The following PPP2R1B variants were observed in gnomAD, a reference collection of about 807,000 sequenced individuals.
PPP2R1B encodes serine/threonine-protein phosphatase 2A 65 kDa regulatory subunit A beta isoform.
A neutral mutation model predicts 72.7 loss-of-function variants in PPP2R1B; 58 were observed. The ratio of observed to expected loss-of-function variants is 0.80; its 90% CI spans 0.65 to 0.99. The LOEUF is 0.99. PPP2R1B is among the 50% of genes least tolerant of loss of function. PPP2R1B has a pLI of 0.00. For synonymous variants in PPP2R1B, 256 were observed against 264.6 expected (o/e 0.97, Z 0.32); for missense variants, 695 against 733.6 (o/e 0.95, Z 0.61).
At chr11:111,760,632 G>C (rs917869260) in intron 4 of PPP2R1B, among the ~76,000 whole-genome samples, 187 bp downstream of exon 4, 1 of 151,572 alleles carries the variant, frequency 6.6e-6, no homozygotes, top group Non-Finnish European at 1.5e-5. Context: ...CTAGACAACA[G>C]AGCAAGACCT....
chr11:111,724,425 G>T, downstream of PPP2R1B: 1 of 415,294 alleles, frequency 2.4e-6, no homozygotes, highest in South Asian at 3.2e-5. Context: ...TTCCTAAGAA[G>T]ACATTCAGAC....
chr11:111,742,658 G>C lies in PPP2R1B; in HGVS notation c.1562C>G (p.Ser521Cys), dbSNP rs1457383830. 3.1e-6 allele frequency: 5 copies of C among 1,604,650 alleles called. No homozygotes were observed. Among genetic ancestry groups the C allele is most frequent in the Non-Finnish European group, 4.3e-6 (5 of 1,175,812 alleles). The change falls in exon 13 of 15, where the codon TCT becomes TGT. Residue 521 changes from serine (S) to cysteine (C), a missense_variant. Transcript: ENST00000527614. ...AGTTATTTCCTGACCACAGGCCTCA[G>C]ACAGTGCCTAGAAAAATAAGTAAGA... The part of the protein sequence containing the change: ...MTTLFCINAL[S>C]EACGQEITTK...
downstream of PPP2R1B, among the ~76,000 whole-genome samples, chr11:111,734,618 T>C (rs1944287922): frequency 6.6e-6 from 1 of 152,238 alleles, no homozygotes; most frequent in African/African-American, 2.4e-5. Flanking sequence ...AAGGTCCAAT[T>C]GCCTTAGCTG....
chr11:111,708,252 C>A, the PPP2R1B span, among the ~76,000 whole-genome samples: 1 of 152,130 alleles, frequency 6.6e-6, no homozygotes, highest in South Asian at 2.1e-4. Context: ...TATGGTAGTG[C>A]GTGCTTATAA....
intron 4 of PPP2R1B, 26 bp from the exon 5 acceptor site, chr11:111,759,977 T>A: frequency 6.2e-7 from 1 of 1,608,234 alleles, no homozygotes; most frequent in African/African-American, 1.3e-5. Flanking sequence ...ATGAAGGTAT[T>A]TCCCATCAAA....
the PPP2R1B span, among the ~76,000 whole-genome samples, chr11:111,695,021 G>A: frequency 6.6e-6 from 1 of 152,276 alleles, no homozygotes; most frequent in African/African-American, 2.4e-5. Flanking sequence ...ACCTTTTCGT[G>A]CTGGTGGGCA....
chr11:111,719,737 G>A, the PPP2R1B span: 2 of 1,583,288 alleles, frequency 1.3e-6, no homozygotes, highest in South Asian at 2.3e-5. Flanking sequence ...TGTCTCAGCA[G>A]TGCAGAAACT....
chr11:111,718,317 A>G, the PPP2R1B span, among the ~76,000 whole-genome samples: 1 of 152,202 alleles, frequency 6.6e-6, no homozygotes, highest in Non-Finnish European at 1.5e-5. Flanking sequence ...TCTTGCAAGG[A>G]AACTATTAAG....
At chr11:111,737,674 G>A (rs1944378562), downstream of PPP2R1B, 14 of 1,561,606 alleles carry the variant, frequency 9.0e-6, no homozygotes, top group Non-Finnish European at 1.1e-5. Flanking sequence ...TGCCAGCAGA[G>A]TTGGGTGTCC....
At chr11:111,763,916 T>G (rs1945424351) in intron 3 of PPP2R1B, among the ~76,000 whole-genome samples, 1 of 151,160 alleles carries the variant, frequency 6.6e-6, no homozygotes, top group African/African-American at 2.4e-5. Flanking sequence ...ACCTCAGGAG[T>G]TCCATGGAAA....
chr11:111,715,589 T>C, the PPP2R1B span, among the ~76,000 whole-genome samples: 2 of 152,140 alleles, frequency 1.3e-5, no homozygotes, highest in South Asian at 2.1e-4. Flanking sequence ...CAAAAAAATA[T>C]TGCCTTTCTG....
At chr11:111,721,162 G>A in the PPP2R1B span, 1 of 1,379,806 alleles carries the variant, frequency 7.2e-7, no homozygotes, top group East Asian at 2.4e-5. Context: ...CTCCAGTCCT[G>A]GAGCAAACAG....
downstream of PPP2R1B, chr11:111,724,101 AACAC>A: frequency 6.2e-7 from 1 of 1,612,530 alleles, no homozygotes; most frequent in Admixed American, 1.7e-5. Context: ...GTGGATCCAC[AACAC>A]AACGGGTATG....
At chr11:111,688,875 C>T in the PPP2R1B span, among the ~76,000 whole-genome samples, 1 of 152,144 alleles carries the variant, frequency 6.6e-6, no homozygotes, top group Non-Finnish European at 1.5e-5. This position sits in a 1 kb window ranked among gnomAD's most constrained non-coding sequence, Gnocchi z 4.2. Context: ...CTTGAATATA[C>T]ACAATTTTTG....
chr11:111,701,737 G>A, the PPP2R1B span, among the ~76,000 whole-genome samples: 2 of 152,252 alleles, frequency 1.3e-5, no homozygotes, highest in South Asian at 2.1e-4. The surrounding 1 kb of genome is among the most constrained non-coding windows in gnomAD (Gnocchi z 4.2). Flanking sequence ...TTATGTAGGC[G>A]AGACAGGTTC....
chr11:111,723,842 C>T, downstream of PPP2R1B: 2 of 1,613,636 alleles, frequency 1.2e-6, no homozygotes, highest in Admixed American at 1.7e-5. Flanking sequence ...CCCTCCACCA[C>T]CACGACAGCC....
At chr11:111,760,788 T>C in intron 4 of PPP2R1B, 31 bp downstream of exon 4, 1 of 1,591,754 alleles carries the variant, frequency 6.3e-7, no homozygotes. Flanking sequence ...TGATTTCTGC[T>C]TTAACAAGGC....
chr11:111,748,579 T>C (rs781993322), intron 10 of PPP2R1B, among the ~76,000 whole-genome samples: 34 of 152,182 alleles, frequency 2.2e-4, no homozygotes, highest in Non-Finnish European at 3.7e-4. Flanking sequence ...CCCAGCCCTG[T>C]TCCTCCCGAC....
chr11:111,737,419 G>A, downstream of PPP2R1B: 1 of 1,614,114 alleles, frequency 6.2e-7, no homozygotes, highest in Non-Finnish European at 8.5e-7. Flanking sequence ...CTGAGGGCAG[G>A]ACTTGACCCC....
Sources: gnomAD v4.1 joint callset for allele counts (sites outside exome capture counted in the v4.1 genomes callset) on GRCh38, gnomAD v4.1.1 for gene constraint, Gnocchi (gnomAD v3.1) non-coding constraint, MANE v1.5 for transcripts, NCBI Gene and HGNC (gene_info 2026-07-23, HGNC 2026-07-21) for gene names.